Variants in TIAM2 observed in about 807,000 individuals in gnomAD.
TIAM2 encodes the protein rho guanine nucleotide exchange factor TIAM2.
TIAM2 carries 80 observed loss-of-function variants against 152.9 expected under a neutral mutation model. The observed-to-expected ratio is 0.52, with a 90% CI of 0.44 to 0.63. The LOEUF (loss-of-function observed/expected upper bound fraction) is 0.63. Ranked by LOEUF, TIAM2 falls within the 30% of genes least tolerant of loss-of-function variation. The probability of loss-of-function intolerance (pLI) is 0.00; values close to 1 mark genes in which losing one functional copy is unlikely to be tolerated. For synonymous variants in TIAM2, 804 were observed against 838.0 expected (o/e 0.96, Z 0.70); for missense variants, 1,965 against 2,120.1 (o/e 0.93, Z 1.44).
At chr6:155,142,577 G>A (rs1219002945) in intron 5 of TIAM2, among the ~76,000 whole-genome samples, 1 of 152,184 alleles carries the variant, frequency 6.6e-6, no homozygotes, top group Non-Finnish European at 1.5e-5. Flanking sequence ...GTCATGGCTT[G>A]TAGCATGTGC....
At chr6:155,144,862 G>A (rs956261317) in intron 6 of TIAM2, 84 bp downstream of exon 6, 1 of 1,429,602 alleles carries the variant, frequency 7.0e-7, no homozygotes, top group Admixed American at 2.5e-5. Flanking sequence ...ACTTGGAAAT[G>A]AAATTGAATA....
chr6:155,047,704 A>AGAGAGAGAGAGAG (rs1442589416), intron 1 of TIAM2, among the ~76,000 whole-genome samples: 2 of 82,216 alleles, frequency 2.4e-5, no homozygotes, highest in African/African-American at 1.1e-4. Flanking sequence ...AGAGAGAGAG[A>AGAGAGAGAGAGAG]GCGAGAGAGA....
At chr6:155,245,755 G>GT (rs11435976) in intron 19 of TIAM2, 24 bp downstream of exon 19, 239,989 of 1,006,698 alleles carry the variant, frequency 0.24, 6,594 homozygotes, top group East Asian at 0.34. Flanking sequence ...GCCTTTTATA[G>GT]TTTTTTTTTT....
At chr6:155,000,270 C>T (rs1778290802) in intron 1 of TIAM2, among the ~76,000 whole-genome samples, 1 of 152,164 alleles carries the variant, frequency 6.6e-6, no homozygotes, top group African/African-American at 2.4e-5. Context: ...TGCGGTGGCT[C>T]ACGCCTATAA....
At chr6:155,040,111 T>C (rs1202231129) in intron 1 of TIAM2, among the ~76,000 whole-genome samples, 1 of 152,234 alleles carries the variant, frequency 6.6e-6, no homozygotes, top group African/African-American at 2.4e-5. Context: ...AGAAATTATA[T>C]GAAATTTCCA....
chr6:155,245,095 G>A (rs1307629993), intron 18 of TIAM2, among the ~76,000 whole-genome samples: 1 of 152,180 alleles, frequency 6.6e-6, no homozygotes, highest in Non-Finnish European at 1.5e-5. Flanking sequence ...TGAAACCAGA[G>A]CTCCTACCCT....
At position 155,068,362 on chromosome 6, in the gene TIAM2, T is replaced by A. The variant is rs115625635; in HGVS notation, c.-208-21927T>A. Among the ~76,000 whole-genome samples the A allele has an allele frequency of 4.4e-3, 669 of 152,328 alleles. 9 individuals are homozygous for A. Among genetic ancestry groups the A allele is most frequent in the African/African-American group, 0.015 (638 of 41,568 alleles). ...TCTGTCTTTTATCAATCTCTATAGA[T>A]GAAAAGGAGAAGTATACAGATTCTC... On this transcript the variant is annotated intron_variant, in intron 1 of 26. Transcript: ENST00000682666.
chr6:155,012,945 A>G (rs1778513933), intron 1 of TIAM2, among the ~76,000 whole-genome samples: 1 of 152,164 alleles, frequency 6.6e-6, no homozygotes, highest in African/African-American at 2.4e-5. Flanking sequence ...ACTGGGAGAG[A>G]CCTTAGAGTG....
At chr6:155,043,856 A>T (rs1189988041) in intron 1 of TIAM2, among the ~76,000 whole-genome samples, 1 of 151,990 alleles carries the variant, frequency 6.6e-6, no homozygotes, top group East Asian at 1.9e-4. Context: ...ATCTTCTGAC[A>T]GCTCCCTTGG....
chr6:155,123,607 G>A lies in TIAM2; in HGVS notation c.-117-3883G>A, dbSNP rs990178494. Among the ~76,000 whole-genome samples the A allele has an allele frequency of 4.6e-5, 7 of 152,248 alleles. No individual in the cohort carries two copies. In the East Asian group the frequency reaches 7.7e-4, roughly 17 times the overall value. On this transcript the variant is annotated intron_variant, in intron 2 of 26. Transcript: ENST00000682666. ...GAGCTTAGGTTCTAACCTGCCGCTG[G>A]GGCAGAAACTTCCACCTGGGAGTGA...
intron 14 of TIAM2, among the ~76,000 whole-genome samples, chr6:155,203,439 A>G (rs1781525410): frequency 6.6e-6 from 1 of 152,240 alleles, no homozygotes; most frequent in Non-Finnish European, 1.5e-5. Context: ...AGGGAAACTG[A>G]GTAAATCAAA....
intron 2 of TIAM2, among the ~76,000 whole-genome samples, chr6:155,112,211 C>T (rs1339775992): frequency 5.3e-5 from 8 of 151,458 alleles, no homozygotes; most frequent in African/African-American, 9.7e-5. Flanking sequence ...CTGCAACCTC[C>T]GCCTCCCAGG....
In TIAM2 at chr6:155,001,516, A is replaced by G. The variant is rs141015460; in HGVS notation, c.-209+6024A>G. 2.5e-3 allele frequency among the ~76,000 whole-genome samples: 388 copies of G among 152,368 alleles called. 1 individual carries two copies. The highest frequency in any genetic ancestry group is 3.6e-3 in the Non-Finnish European group (248 of 68,044). Reference sequence around the variant, plus strand: ...CCACGGATGGTTACCGCCAGCAGACATAGGCTGGTGCCCTGAGAAGGTTCC... The same window carrying G: ...CCACGGATGGTTACCGCCAGCAGACGTAGGCTGGTGCCCTGAGAAGGTTCC... On this transcript the variant is annotated intron_variant, in intron 1 of 26. Transcript: ENST00000682666.
At chr6:155,122,097 C>T (rs970389648) in intron 2 of TIAM2, 1 of 152,360 alleles carries the variant, frequency 6.6e-6, no homozygotes, top group African/African-American at 2.4e-5. Context: ...AGGTAAATCT[C>T]GAATTTCCTC....
intron 2 of TIAM2, among the ~76,000 whole-genome samples, chr6:155,111,034 G>T (rs1778834861): frequency 6.6e-6 from 1 of 152,166 alleles, no homozygotes; most frequent in Non-Finnish European, 1.5e-5. Flanking sequence ...AAGGGCTAAG[G>T]AGAGACAGAG....
chr6:155,038,360 C>T (rs899305572), intron 1 of TIAM2, among the ~76,000 whole-genome samples: 1 of 152,150 alleles, frequency 6.6e-6, no homozygotes, highest in Admixed American at 6.5e-5. Context: ...CTCTTTGTTC[C>T]CAGTCCTGCC....
chr6:155,029,578 A>G (rs1165090316), intron 1 of TIAM2, among the ~76,000 whole-genome samples: 3 of 95,248 alleles, frequency 3.1e-5, no homozygotes, highest in Non-Finnish European at 5.8e-5. Flanking sequence ...ATAATAGTAT[A>G]TATAACTATA....
At position 155,054,862 on chromosome 6, in the gene TIAM2, C is replaced by T. The variant is rs574035887; in HGVS notation, c.-208-35427C>T. On this transcript the variant is annotated intron_variant, in intron 1 of 26. Coordinates refer to ENST00000682666, the MANE Select transcript of TIAM2 (RefSeq NM_012454.4). ...GGACAGAATATTTGAGTTTTTATGACATTGGTGAAAGAGAAGGCAGGGATG... is the reference window on the plus strand; with the variant it reads ...GGACAGAATATTTGAGTTTTTATGATATTGGTGAAAGAGAAGGCAGGGATG... 6.6e-5 allele frequency among the ~76,000 whole-genome samples: 10 copies of T among 152,226 alleles called. No individual in the cohort carries two copies. The East Asian group carries it at 1.9e-3, about 29-fold the overall frequency.
intron 1 of TIAM2, among the ~76,000 whole-genome samples, chr6:155,056,746 A>T (rs1457750894): frequency 1.3e-5 from 2 of 152,074 alleles, no homozygotes; most frequent in East Asian, 3.8e-4. Context: ...ATCTTATATT[A>T]TTATAGTATA....
Sources: gnomAD v4.1 joint callset for allele counts (sites outside exome capture counted in the v4.1 genomes callset) on GRCh38, gnomAD v4.1.1 for gene constraint, MANE v1.5 for transcripts, NCBI Gene and HGNC (gene_info 2026-07-23, HGNC 2026-07-21) for gene names.